Variants in NFATC1 observed in about 807,000 individuals in gnomAD.
The protein encoded by NFATC1 is nuclear factor of activated T-cells, cytoplasmic 1.
NFATC1 carries 22 observed loss-of-function variants against 76.0 expected under a neutral mutation model. The observed-to-expected ratio is 0.29, with a 90% CI of 0.21 to 0.41. The LOEUF (loss-of-function observed/expected upper bound fraction) is 0.41. Ranked by LOEUF, NFATC1 falls within the 10% of genes least tolerant of loss-of-function variation. NFATC1 has a pLI of 1.00. For synonymous variants in NFATC1, 704 were observed against 613.1 expected (o/e 1.15, Z -2.19); for missense variants, 1,357 against 1,337.7 (o/e 1.01, Z -0.23).
chr18:79,499,648 A>G (rs894571825), intron 9 of NFATC1, among the ~76,000 whole-genome samples: 2 of 152,384 alleles, frequency 1.3e-5, no homozygotes, highest in South Asian at 2.1e-4. Flanking sequence ...TACATATTTT[A>G]GATTTAAAGA....
chr18:79,492,022 CAT>C (rs911847330), intron 9 of NFATC1, among the ~76,000 whole-genome samples: 9 of 152,236 alleles, frequency 5.9e-5, no homozygotes, highest in Non-Finnish European at 1.5e-5. Context: ...CCCGTGAGGA[CAT>C]AGAACTTTTT....
intron 9 of NFATC1, among the ~76,000 whole-genome samples, chr18:79,526,782 T>C (rs1300350028): frequency 6.6e-6 from 1 of 152,202 alleles, no homozygotes; most frequent in African/African-American, 2.4e-5. Context: ...GAAGCCGCCC[T>C]GAGACAGGCC....
At chr18:79,481,801 C>T (rs1167681388) in intron 8 of NFATC1, among the ~76,000 whole-genome samples, 2 of 150,212 alleles carry the variant, frequency 1.3e-5, no homozygotes, top group East Asian at 1.9e-4. Flanking sequence ...GGTGTCACTC[C>T]AGCGTGACCT....
At chr18:79,497,141 G>A (rs1401940559) in intron 9 of NFATC1, 1 of 152,260 alleles carries the variant, frequency 6.6e-6, no homozygotes, top group Admixed American at 6.5e-5. Context: ...CTGACTGTTT[G>A]CTAAGGCACG....
chr18:79,485,645 G>A (rs527815598), intron 8 of NFATC1, among the ~76,000 whole-genome samples: 15 of 152,332 alleles, frequency 9.8e-5, no homozygotes, highest in Non-Finnish European at 1.5e-4. Context: ...CTAGAAACTC[G>A]GGAGCCCCCT....
chr18:79,419,723 A>G (rs2086005718), intron 2 of NFATC1, among the ~76,000 whole-genome samples: 1 of 152,222 alleles, frequency 6.6e-6, no homozygotes, highest in Non-Finnish European at 1.5e-5. Context: ...CGGTGACCAC[A>G]GACAAAACAG....
At chr18:79,427,572 TC>T (rs1417146924) in intron 2 of NFATC1, among the ~76,000 whole-genome samples, 8 of 16,820 alleles carry the variant, frequency 4.8e-4, no homozygotes, top group Admixed American at 1.5e-3. Context: ...GTGCAGTGGG[TC>T]GGGGGGAGCT....
chr18:79,410,268 A>G lies in NFATC1; in HGVS notation c.128-135A>G. ...CGGAGCTGTCCGGCAGCGTGGTCTCAGGGACGTTTGCTGAGGCCCGCTCCT... is the reference window on the plus strand; with the variant it reads ...CGGAGCTGTCCGGCAGCGTGGTCTCGGGGACGTTTGCTGAGGCCCGCTCCT... On this transcript the variant is annotated intron_variant, in intron 1 of 9. Coordinates refer to ENST00000427363, the MANE Select transcript of NFATC1 (RefSeq NM_001278669.2). This position sits in a 1 kb window ranked among gnomAD's most constrained non-coding sequence, Gnocchi z 6.7. The G allele has an allele frequency of 5.0e-6, 7 of 1,405,348 alleles. No individual in the cohort carries two copies. Among genetic ancestry groups the G allele is most frequent in the Non-Finnish European group, 6.7e-6 (7 of 1,040,172 alleles). 87.1% of individuals were successfully genotyped at this position (1,405,348 alleles called of 1,614,324 possible). A position where few individuals can be genotyped will look rare whatever the true frequency, so the allele number is the denominator to read the frequency against.
intron 9 of NFATC1, 29 bp downstream of exon 9, chr18:79,486,966 G>C (rs759427771): frequency 2.0e-5 from 31 of 1,557,968 alleles, no homozygotes; most frequent in Non-Finnish European, 2.7e-5. Context: ...GCAGGTGTGT[G>C]CCCCGCCTGG....
intron 2 of NFATC1, among the ~76,000 whole-genome samples, chr18:79,429,220 CAAAAAAA>C (rs397858514): frequency 1.0e-5 from 1 of 96,546 alleles, no homozygotes; most frequent in Non-Finnish European, 2.1e-5. Flanking sequence ...GACTCCGTCT[CAAAAAAA>C]AAAAAAAAAA....
Position 79,410,818 on chromosome 18 carries a change from C to T in NFATC1, c.543C>T (p.Ser181=). Reference sequence around the variant, plus strand: ...CGGCCAGCAGCCTGTCCTCCCGGAGCTGCAACTCAGAGGCCTCCTCCTACG... The same window carrying T: ...CGGCCAGCAGCCTGTCCTCCCGGAGTTGCAACTCAGAGGCCTCCTCCTACG... ...LSPASSLSSR[S]CNSEASSYES... Residue 181 remains serine (S), a synonymous_variant, in exon 2 of 10, where the codon AGC becomes AGT. Coordinates refer to ENST00000427363, the MANE Select transcript of NFATC1 (RefSeq NM_001278669.2). This position sits in a 1 kb window ranked among gnomAD's most constrained non-coding sequence, Gnocchi z 6.7. The T allele has an allele frequency of 6.2e-7, 1 of 1,612,150 alleles. No homozygotes were observed.
chr18:79,512,674 C>A (rs1049464569), intron 9 of NFATC1, among the ~76,000 whole-genome samples: 1 of 152,240 alleles, frequency 6.6e-6, no homozygotes, highest in Non-Finnish European at 1.5e-5. Flanking sequence ...GAGCCGTGGT[C>A]TGTCCACCTG....
chr18:79,400,305 CG>C (rs2085151048), intron 1 of NFATC1: 15 of 1,281,708 alleles, frequency 1.2e-5, no homozygotes, highest in Non-Finnish European at 1.5e-5. Context: ...GGTCACGTTA[CG>C]CGGAGGACGC....
intron 2 of NFATC1, among the ~76,000 whole-genome samples, chr18:79,415,469 A>G (rs971922964): frequency 2.7e-5 from 4 of 150,538 alleles, no homozygotes; most frequent in African/African-American, 9.8e-5. Context: ...TTTTTAGTAG[A>G]GATGGGGTTT....
rs538309044 is a variant in NFATC1, at chr18:79,474,949, G to T, written c.2092+7367G>T. ...CTGTCAACGTAAACCTGAGGGAAGCGTGTTCTCACGCTCACTGTCGACGTA... is the reference window on the plus strand; with the variant it reads ...CTGTCAACGTAAACCTGAGGGAAGCTTGTTCTCACGCTCACTGTCGACGTA... On this transcript the variant is annotated intron_variant, in intron 8 of 9. Coordinates refer to ENST00000427363, the MANE Select transcript of NFATC1 (RefSeq NM_001278669.2). Among the ~76,000 whole-genome samples the T allele has an allele frequency of 3.0e-4, 38 of 124,888 alleles. 5 individuals carry two copies. The highest frequency in any genetic ancestry group is 1.0e-3 in the South Asian group (4 of 3,854). 81.9% of individuals were successfully genotyped at this position (124,888 alleles called of 152,430 possible). A position where few individuals can be genotyped will look rare whatever the true frequency, so the allele number is the denominator to read the frequency against.
chr18:79,505,975 G>A (rs2090113400), intron 9 of NFATC1, among the ~76,000 whole-genome samples: 1 of 152,174 alleles, frequency 6.6e-6, no homozygotes, highest in South Asian at 2.1e-4. Flanking sequence ...TGCAGTGATG[G>A]TGGCACAACT....
At chr18:79,398,441 T>G (rs1219552611) in intron 1 of NFATC1, among the ~76,000 whole-genome samples, 2 of 152,208 alleles carry the variant, frequency 1.3e-5, no homozygotes, top group Non-Finnish European at 2.9e-5. Flanking sequence ...AAGCTAAACA[T>G]TTCCATGGAG....
At chr18:79,416,598 C>T (rs370916780) in intron 2 of NFATC1, among the ~76,000 whole-genome samples, 19 of 152,376 alleles carry the variant, frequency 1.2e-4, no homozygotes, top group African/African-American at 4.1e-4. Context: ...GAGCTTCCCG[C>T]TGCCATCACC....
At chr18:79,520,712 T>TGG (rs1379462567) in intron 9 of NFATC1, among the ~76,000 whole-genome samples, 2 of 5,830 alleles carry the variant, frequency 3.4e-4, no homozygotes, top group Admixed American at 2.2e-3. Flanking sequence ...GATATGTGTG[T>TGG]GTGGGGGGGG....
Sources: gnomAD v4.1 joint callset for allele counts (sites outside exome capture counted in the v4.1 genomes callset) on GRCh38, gnomAD v4.1.1 for gene constraint, Gnocchi (gnomAD v3.1) non-coding constraint, MANE v1.5 for transcripts, NCBI Gene and HGNC (gene_info 2026-07-23, HGNC 2026-07-21) for gene names.